The following ZNF609 variants were observed in gnomAD, a reference collection of about 807,000 sequenced individuals.
ZNF609 encodes the protein zinc finger protein 609.
A neutral mutation model predicts 109.5 loss-of-function variants in ZNF609; 11 were observed. That is an observed-to-expected ratio of 0.10 (90% CI 0.06 to 0.17). The LOEUF (loss-of-function observed/expected upper bound fraction) is 0.17. ZNF609 is among the 10% of genes least tolerant of loss of function. The pLI, the probability that ZNF609 is intolerant of heterozygous loss-of-function variation, is 1.00. For missense variants in ZNF609, 1,559 were observed against 1,772.4 expected, an observed-to-expected ratio of 0.88 and a Z score of 2.16; for synonymous variants, 646 against 662.0, an observed-to-expected ratio of 0.98 and a Z score of 0.37.
At chr15:64,476,056 G>A (rs534130950) in intron 1 of ZNF609, among the ~76,000 whole-genome samples, 33 of 152,216 alleles carry the variant, frequency 2.2e-4, no homozygotes, top group African/African-American at 7.2e-4. Context: ...CCATACATCC[G>A]AGCTGATAGA....
chr15:64,533,188 C>T (rs1002433271), intron 2 of ZNF609, among the ~76,000 whole-genome samples: 1 of 151,866 alleles, frequency 6.6e-6, no homozygotes, highest in Admixed American at 6.6e-5. Context: ...GTAGCTGGGG[C>T]CACAAGTGTT....
At chr15:64,511,133 T>G (rs759182242) in intron 2 of ZNF609, among the ~76,000 whole-genome samples, 1 of 151,990 alleles carries the variant, frequency 6.6e-6, no homozygotes, top group Non-Finnish European at 1.5e-5. Flanking sequence ...TACTTAGTTC[T>G]GCACTGAATC....
chr15:64,534,866 C>T (rs1488237210), intron 2 of ZNF609, among the ~76,000 whole-genome samples: 1 of 151,922 alleles, frequency 6.6e-6, no homozygotes, highest in Non-Finnish European at 1.5e-5. Flanking sequence ...AACCCTATCT[C>T]CACTAAAAAT....
intron 3 of ZNF609, 100 bp downstream of exon 3, chr15:64,623,152 G>A (rs1895903726): frequency 8.3e-7 from 1 of 1,208,336 alleles, no homozygotes; most frequent in Non-Finnish European, 1.2e-6. Context: ...GGTTATTAGA[G>A]TCTCAAGTGT....
intron 3 of ZNF609, among the ~76,000 whole-genome samples, chr15:64,668,952 CAAAAAAAAAAAA>C (rs538954402): frequency 8.6e-5 from 3 of 34,980 alleles, no homozygotes; most frequent in East Asian, 1.8e-3. Flanking sequence ...AACTCCGTCT[CAAAAAAAAAAAA>C]AAAAAAAAAA....
At chr15:64,507,410 T>G (rs894803372) in intron 2 of ZNF609, among the ~76,000 whole-genome samples, 1 of 152,212 alleles carries the variant, frequency 6.6e-6, no homozygotes, top group Non-Finnish European at 1.5e-5. Context: ...GCTGGCTGTC[T>G]GAGCCCTCTC....
chr15:64,537,965 G>T (rs1455528952), intron 2 of ZNF609, among the ~76,000 whole-genome samples: 1 of 152,088 alleles, frequency 6.6e-6, no homozygotes, highest in African/African-American at 2.4e-5. Flanking sequence ...AATTAGCCAG[G>T]CATGGTGGCG....
Position 64,529,459 on chromosome 15 carries a change from C to G in ZNF609, c.747+29293C>G. 19 of 992,282 alleles carry G rather than the reference C, an allele frequency of 1.9e-5. No homozygotes were observed. The South Asian group carries it at 2.4e-4, about 13-fold the overall frequency. 61.5% of individuals were successfully genotyped at this position (992,282 alleles called of 1,614,324 possible). On this transcript the variant is annotated intron_variant, in intron 2 of 9. Transcript: ENST00000326648. ...TCCTGGAAAATGGGTGATGGGGTTT[C>G]CATTGATGACAAGCGTCCCGTTCTC...
chr15:64,485,131 T>G (rs982410725), intron 1 of ZNF609, among the ~76,000 whole-genome samples: 2 of 152,156 alleles, frequency 1.3e-5, no homozygotes, highest in Admixed American at 1.3e-4. Flanking sequence ...CAAGGTTTGT[T>G]TATATTTGTG....
At chr15:64,586,876 C>T (rs1269738667) in intron 2 of ZNF609, among the ~76,000 whole-genome samples, 1 of 152,114 alleles carries the variant, frequency 6.6e-6, no homozygotes, top group Non-Finnish European at 1.5e-5. Context: ...TAGTTTTAAC[C>T]TTTCCCATAT....
chr15:64,615,902 A>G (rs1895791511), intron 2 of ZNF609, among the ~76,000 whole-genome samples: 1 of 152,182 alleles, frequency 6.6e-6, no homozygotes, highest in Non-Finnish European at 1.5e-5. Context: ...GTTTCTTAGA[A>G]CTACTGCTGT....
At chr15:64,591,002 T>C (rs529703151) in intron 2 of ZNF609, among the ~76,000 whole-genome samples, 1 of 152,196 alleles carries the variant, frequency 6.6e-6, no homozygotes, top group South Asian at 2.1e-4. Flanking sequence ...TTCTTTAAGT[T>C]CCAGAAAGCC....
chr15:64,574,117 G>T (rs894345820), intron 2 of ZNF609, among the ~76,000 whole-genome samples: 1 of 150,392 alleles, frequency 6.6e-6, no homozygotes, highest in Non-Finnish European at 1.5e-5. Context: ...CTAACAGCTG[G>T]AATTGTGGCA....
At chr15:64,588,244 C>T (rs184225852) in intron 2 of ZNF609, among the ~76,000 whole-genome samples, 1,592 of 121,672 alleles carry the variant, frequency 0.013, 9 homozygotes, top group South Asian at 0.031. Context: ...GTGAAACCCC[C>T]GTCTCTACTA....
intron 3 of ZNF609, among the ~76,000 whole-genome samples, chr15:64,630,474 A>G (rs1219343756): frequency 6.6e-6 from 1 of 152,104 alleles, no homozygotes; most frequent in African/African-American, 2.4e-5. Context: ...GAATTACAGT[A>G]TATATATTTA....
intron 4 of ZNF609, 111 bp from the exon 5 acceptor site, chr15:64,673,805 T>G: frequency 1.6e-6 from 2 of 1,222,904 alleles, no homozygotes; most frequent in Non-Finnish European, 2.3e-6. Flanking sequence ...ACAAATCATA[T>G]TCATTGAAAA....
chr15:64,657,594 C>T (rs1046404295), intron 3 of ZNF609, among the ~76,000 whole-genome samples: 2 of 152,008 alleles, frequency 1.3e-5, no homozygotes, highest in African/African-American at 4.8e-5. Context: ...AGCCTGGCGA[C>T]AGAGGGAGAC....
At chr15:64,487,046 C>G (rs544012714) in intron 1 of ZNF609, among the ~76,000 whole-genome samples, 6 of 152,156 alleles carry the variant, frequency 3.9e-5, no homozygotes, top group African/African-American at 1.4e-4. Flanking sequence ...ATTATTGAGC[C>G]GTTTGATATA....
At chr15:64,649,438 A>T (rs1052894678) in intron 3 of ZNF609, among the ~76,000 whole-genome samples, 3 of 152,106 alleles carry the variant, frequency 2.0e-5, no homozygotes, top group Non-Finnish European at 4.4e-5. Flanking sequence ...GCTGCTGGAA[A>T]TTTGGGGAAT....
Sources: gnomAD v4.1 joint callset for allele counts (sites outside exome capture counted in the v4.1 genomes callset) on GRCh38, gnomAD v4.1.1 for gene constraint, MANE v1.5 for transcripts, NCBI Gene and HGNC (gene_info 2026-07-23, HGNC 2026-07-21) for gene names.